The following ITPR1 variants were observed in gnomAD, a reference collection of about 807,000 sequenced individuals.
ITPR1 encodes the protein inositol 1,4,5-trisphosphate-gated calcium channel ITPR1.
Under a neutral mutation model 318.4 loss-of-function variants are expected in ITPR1, and 96 were observed. The observed-to-expected ratio is 0.30, with a 90% CI of 0.26 to 0.36. The LOEUF (loss-of-function observed/expected upper bound fraction) is 0.36. Ranked by LOEUF, ITPR1 falls within the 10% of genes least tolerant of loss-of-function variation. The probability of loss-of-function intolerance (pLI) is 1.00; values close to 1 mark genes in which losing one functional copy is unlikely to be tolerated. For missense variants in ITPR1, 2,440 were observed against 3,460.2 expected, an observed-to-expected ratio of 0.71 and a Z score of 7.40; for synonymous variants, 1,312 against 1,289.9, an observed-to-expected ratio of 1.02 and a Z score of -0.37.
chr3:4,567,090 C>G (rs765208375), intron 4 of ITPR1, among the ~76,000 whole-genome samples: 3 of 152,118 alleles, frequency 2.0e-5, no homozygotes, highest in African/African-American at 7.2e-5. Flanking sequence ...ATAATAATAC[C>G]TATTTCAGTG....
chr3:4,788,191 C>T (rs1369081194), intron 52 of ITPR1, 52 bp downstream of exon 52: 2 of 1,453,378 alleles, frequency 1.4e-6, no homozygotes, highest in Non-Finnish European at 1.9e-6. Flanking sequence ...TCTGGGATTT[C>T]ACAAACTTGG....
intron 18 of ITPR1, among the ~76,000 whole-genome samples, chr3:4,668,833 G>A (rs1311259194): frequency 6.6e-6 from 1 of 152,190 alleles, no homozygotes; most frequent in Admixed American, 6.5e-5. Flanking sequence ...ATCAGTAAGA[G>A]TCTTGCAAGT....
intron 41 of ITPR1, 107 bp from the exon 42 acceptor site, chr3:4,727,019 C>A: frequency 1.1e-6 from 1 of 908,792 alleles, no homozygotes; most frequent in South Asian, 1.4e-5. Flanking sequence ...TTTTGTGTAA[C>A]TCTTGTCTAT....
rs545171009 is a variant in ITPR1, at chr3:4,675,181, C to T, written c.2712C>T (p.Ile904=). ...AILDCVHVTT[I]FPISKMAKGE... Reference sequence around the variant, plus strand: ...TGGACTGTGTACATGTGACAACAATCTTCCCCATTAGCAAGATGGCGAAAG... The same window carrying T: ...TGGACTGTGTACATGTGACAACAATTTTCCCCATTAGCAAGATGGCGAAAG... Residue 904 remains isoleucine, a synonymous_variant, in exon 23 of 62, where the codon ATC becomes ATT. Transcript: ENST00000649015. 1 of 1,612,370 alleles carries T rather than the reference C, an allele frequency of 6.2e-7. No homozygotes were observed. The highest frequency in any genetic ancestry group is 1.7e-5 in the Admixed American group (1 of 59,780).
chr3:4,720,797 G>GT (rs748607014), intron 40 of ITPR1, among the ~76,000 whole-genome samples: 12 of 66,720 alleles, frequency 1.8e-4, no homozygotes, highest in East Asian at 2.3e-3. Flanking sequence ...ATTCGAGGTA[G>GT]AGGGGGAAAC....
rs752873214 is a variant in ITPR1, at chr3:4,831,125, T to TCACACACACACA, written c.8029-5648_8029-5647insACACACACACAC. The TCACACACACACA allele has an allele frequency of 7.6e-3, 1,755 of 231,130 alleles. 10 individuals carry two copies. Among genetic ancestry groups the TCACACACACACA allele is most frequent in the African/African-American group, 0.011 (137 of 11,918 alleles). The allele number at this position is 231,130 out of a possible 1,614,324, so 14.3% of individuals were successfully genotyped here. ...GTCTTTGTCTCTCTCTCTCTCTCTC[T>TCACACACACACA]CTCTCTCACACACACACACACACAC... On this transcript the variant is annotated intron_variant, in intron 60 of 61. Transcript: ENST00000649015.
chr3:4,538,903 C>T (rs1192531769), intron 4 of ITPR1, among the ~76,000 whole-genome samples: 1 of 152,088 alleles, frequency 6.6e-6, no homozygotes, highest in African/African-American at 2.4e-5. Context: ...GGAAGAGCAT[C>T]AGAATAAACA....
chr3:4,597,157 A>G (rs1316261387), intron 4 of ITPR1, among the ~76,000 whole-genome samples: 3 of 152,094 alleles, frequency 2.0e-5, no homozygotes, highest in African/African-American at 7.2e-5. Context: ...TTTGTTTTTT[A>G]AGGAAAAGAT....
intron 40 of ITPR1, among the ~76,000 whole-genome samples, chr3:4,721,832 A>G (rs149989652): frequency 2.6e-5 from 4 of 152,324 alleles, no homozygotes; most frequent in African/African-American, 9.6e-5. Flanking sequence ...CTGGTCTGTG[A>G]TAGGCACACA....
intron 20 of ITPR1, among the ~76,000 whole-genome samples, chr3:4,672,763 T>A (rs2094113358): frequency 6.6e-6 from 1 of 152,234 alleles, no homozygotes; most frequent in South Asian, 2.1e-4. Flanking sequence ...TGGTCTTTAC[T>A]GTATAAAACA....
At chr3:4,559,040 T>G (rs571301582) in intron 4 of ITPR1, among the ~76,000 whole-genome samples, 2 of 152,276 alleles carry the variant, frequency 1.3e-5, no homozygotes, top group Admixed American at 6.5e-5. Context: ...TAGTATTATT[T>G]AGAGATGGGG....
At chr3:4,805,717 T>C (rs913368582) in intron 54 of ITPR1, among the ~76,000 whole-genome samples, 8 of 152,238 alleles carry the variant, frequency 5.3e-5, no homozygotes, top group Admixed American at 3.9e-4. Context: ...CTTTTGATCA[T>C]GCTGATCACA....
intron 13 of ITPR1, among the ~76,000 whole-genome samples, chr3:4,658,949 C>A (rs1315486274): frequency 6.6e-6 from 1 of 152,088 alleles, no homozygotes; most frequent in Admixed American, 6.5e-5. Flanking sequence ...TCATCTTTCT[C>A]AAAAAACCCA....
chr3:4,604,565 C>A (rs1015670743), intron 4 of ITPR1, among the ~76,000 whole-genome samples: 1 of 152,092 alleles, frequency 6.6e-6, no homozygotes, highest in Non-Finnish European at 1.5e-5. Flanking sequence ...TGTAAAGGAG[C>A]ATTTCAGCTA....
In ITPR1 at chr3:4,685,213, G is replaced by A. The variant is rs377225741; in HGVS notation, c.3702+7G>A. 4.8e-5 allele frequency: 76 copies of A among 1,595,402 alleles called. No individual in the cohort carries two copies. In the East Asian group the frequency reaches 7.2e-4, roughly 15 times the overall value. On this transcript the variant is annotated splice_region_variant and intron_variant, in intron 30 of 61. Coordinates refer to ENST00000649015, the MANE Select transcript of ITPR1 (RefSeq NM_001378452.1). ...GCAGATTCCCTATGAGAAGGTGAGC[G>A]GTGCCTCATGCACAGCAGCTGCTCT...
At chr3:4,633,406 G>C (rs1466446145) in intron 5 of ITPR1, among the ~76,000 whole-genome samples, 1 of 152,178 alleles carries the variant, frequency 6.6e-6, no homozygotes, top group Non-Finnish European at 1.5e-5. Flanking sequence ...CTTTGGAACT[G>C]ATGGCCAGTC....
At chr3:4,686,179 A>G (rs2094390911) in intron 30 of ITPR1, among the ~76,000 whole-genome samples, 1 of 152,204 alleles carries the variant, frequency 6.6e-6, no homozygotes, top group Admixed American at 6.5e-5. Context: ...ACAGCTGTGT[A>G]GAGTGAAACT....
chr3:4,547,395 A>T (rs2085126369), intron 4 of ITPR1, among the ~76,000 whole-genome samples: 1 of 152,230 alleles, frequency 6.6e-6, no homozygotes, highest in Non-Finnish European at 1.5e-5. Context: ...CAATGAAAAG[A>T]CCGTTCTTCA....
At chr3:4,675,301 G>C in intron 23 of ITPR1, 53 bp downstream of exon 23, 2 of 1,335,260 alleles carry the variant, frequency 1.5e-6, no homozygotes, top group African/African-American at 2.9e-5. Context: ...AGCCTTTCCT[G>C]TTATGCTCAT....
Sources: gnomAD v4.1 joint callset for allele counts (sites outside exome capture counted in the v4.1 genomes callset) on GRCh38, gnomAD v4.1.1 for gene constraint, MANE v1.5 for transcripts, NCBI Gene and HGNC (gene_info 2026-07-23, HGNC 2026-07-21) for gene names.